The following MYO3B variants were observed in gnomAD, a reference collection of about 807,000 sequenced individuals.
The protein encoded by MYO3B is myosin IIIB.
A neutral mutation model predicts 174.6 loss-of-function variants in MYO3B; 156 were observed. The observed-to-expected ratio is 0.89, with a 90% CI of 0.78 to 1.02. The LOEUF (loss-of-function observed/expected upper bound fraction) is 1.02, where lower values mean the gene tolerates loss of function less well. Among genes scored for constraint, MYO3B ranks in the 50% least tolerant of loss-of-function variants. The probability of loss-of-function intolerance (pLI) is 0.00; values close to 1 mark genes in which losing one functional copy is unlikely to be tolerated. For missense variants in MYO3B, 1,632 were observed against 1,639.4 expected (o/e 1.00, Z 0.08); for synonymous variants, 563 against 569.1 (o/e 0.99, Z 0.15).
At chr2:170,367,199 A>G (rs897833326) in intron 8 of MYO3B, among the ~76,000 whole-genome samples, 2 of 152,192 alleles carry the variant, frequency 1.3e-5, no homozygotes, top group Admixed American at 1.3e-4. Context: ...TTCAATGAGC[A>G]TTTCCTGGTA....
At chr2:170,205,416 A>G (rs1365317020) in intron 3 of MYO3B, among the ~76,000 whole-genome samples, 2 of 152,200 alleles carry the variant, frequency 1.3e-5, no homozygotes, top group African/African-American at 4.8e-5. Flanking sequence ...TTCTCTCAGT[A>G]GAATTTTAAT....
chr2:170,207,540 C>T (rs546433840), intron 3 of MYO3B, among the ~76,000 whole-genome samples: 22 of 151,976 alleles, frequency 1.4e-4, no homozygotes, highest in Admixed American at 7.2e-4. Context: ...TTCCCCTGAG[C>T]GCAATCCTAA....
At chr2:170,370,484 G>T (rs2094232952) in intron 9 of MYO3B, among the ~76,000 whole-genome samples, 1 of 152,012 alleles carries the variant, frequency 6.6e-6, no homozygotes. Context: ...TCCCTACAGA[G>T]TAGAGAAATG....
chr2:170,595,072 T>C (rs1260137884), intron 32 of MYO3B, among the ~76,000 whole-genome samples: 1 of 152,106 alleles, frequency 6.6e-6, no homozygotes, highest in Non-Finnish European at 1.5e-5. Flanking sequence ...CACATCTGGC[T>C]CTGACATCGA....
At chr2:170,419,013 G>A (rs1219189235) in intron 22 of MYO3B, among the ~76,000 whole-genome samples, 1 of 152,196 alleles carries the variant, frequency 6.6e-6, no homozygotes, top group Non-Finnish European at 1.5e-5. Context: ...ACCATTGTCT[G>A]AGGACATAGA....
chr2:170,490,524 A>G (rs911590705), intron 25 of MYO3B, among the ~76,000 whole-genome samples: 3 of 148,218 alleles, frequency 2.0e-5, no homozygotes, highest in Non-Finnish European at 2.9e-5. Flanking sequence ...TCAAACATGG[A>G]TGTTATTTTT....
chr2:170,580,716 A>ATG (rs1220621272), intron 32 of MYO3B, among the ~76,000 whole-genome samples: 7 of 74,542 alleles, frequency 9.4e-5, no homozygotes, highest in South Asian at 4.6e-4. Context: ...AAAACCTTAT[A>ATG]TATGTGTGTG....
At chr2:170,436,610 C>A (rs2094756223) in intron 22 of MYO3B, among the ~76,000 whole-genome samples, 1 of 152,216 alleles carries the variant, frequency 6.6e-6, no homozygotes, top group African/African-American at 2.4e-5. Context: ...CTTGCATATG[C>A]ACAAATTGCA....
At chr2:170,597,944 A>G (rs900417762) in intron 32 of MYO3B, among the ~76,000 whole-genome samples, 55 of 152,296 alleles carry the variant, frequency 3.6e-4, no homozygotes, top group Admixed American at 1.6e-3. Context: ...TGTGCAACCT[A>G]TTTCTCAACA....
intron 8 of MYO3B, among the ~76,000 whole-genome samples, chr2:170,338,524 C>T (rs2093959163): frequency 6.6e-6 from 1 of 152,094 alleles, no homozygotes; most frequent in Admixed American, 6.6e-5. Flanking sequence ...GAATATTTCT[C>T]AAAATTGGGA....
intron 8 of MYO3B, among the ~76,000 whole-genome samples, chr2:170,358,761 G>T (rs889300921): frequency 1.3e-5 from 2 of 152,098 alleles, no homozygotes; most frequent in South Asian, 2.1e-4. Context: ...TGGGATTGTG[G>T]GTCTCCAAGA....
chr2:170,399,285 C>G (rs2094460541), intron 16 of MYO3B, among the ~76,000 whole-genome samples: 1 of 134,036 alleles, frequency 7.5e-6, no homozygotes, highest in African/African-American at 2.7e-5. Flanking sequence ...CCAGTCTGGC[C>G]AACAGGGCAA....
rs532359612 is a variant in MYO3B, at chr2:170,353,338, G to A, written c.816-15884G>A. On this transcript the variant is annotated intron_variant, in intron 8 of 34. Coordinates refer to ENST00000408978, the MANE Select transcript of MYO3B (RefSeq NM_138995.5). ...CTATATACTGTAGGATTCCAATTAC[G>A]TGACATTCTGGAAAAGGCAAAACCA... Among the ~76,000 whole-genome samples, 13 of 152,184 alleles carry A rather than the reference G, an allele frequency of 8.5e-5. No homozygotes were observed. The South Asian group carries it at 2.1e-3, about 24-fold the overall frequency.
chr2:170,549,768 AT>A (rs768637800), intron 32 of MYO3B, among the ~76,000 whole-genome samples: 2 of 152,204 alleles, frequency 1.3e-5, no homozygotes, highest in Non-Finnish European at 2.9e-5. Context: ...AATACAGGAA[AT>A]TGAGTTTGAT....
chr2:170,354,295 C>A (rs2094102585), intron 8 of MYO3B, among the ~76,000 whole-genome samples: 1 of 151,992 alleles, frequency 6.6e-6, no homozygotes, highest in African/African-American at 2.4e-5. Flanking sequence ...TTTTGTTTTT[C>A]TTTCCCCAGA....
At chr2:170,542,086 C>T (rs1478681465) in intron 30 of MYO3B, among the ~76,000 whole-genome samples, 1 of 132,988 alleles carries the variant, frequency 7.5e-6, no homozygotes, top group Non-Finnish European at 1.7e-5. Context: ...AGAAACTTAC[C>T]CAAAGTCACA....
intron 15 of MYO3B, 90 bp downstream of exon 15, chr2:170,391,708 CTG>C: frequency 1.3e-6 from 1 of 752,668 alleles, no homozygotes; most frequent in Non-Finnish European, 2.2e-6. Context: ...GTTTTCCTAA[CTG>C]GAAACTCACA....
chr2:170,363,203 A>G (rs1429545984), intron 8 of MYO3B, among the ~76,000 whole-genome samples: 1 of 152,140 alleles, frequency 6.6e-6, no homozygotes, highest in Non-Finnish European at 1.5e-5. Flanking sequence ...AAAAGACAGA[A>G]TATTTATAAA....
chr2:170,592,457 T>C (rs1693877348), intron 32 of MYO3B, among the ~76,000 whole-genome samples: 1 of 152,040 alleles, frequency 6.6e-6, no homozygotes, highest in African/African-American at 2.4e-5. Context: ...CCCAAACACC[T>C]CAATAAACCC....
Sources: allele counts gnomAD v4.1 joint callset (sites outside exome capture counted in the v4.1 genomes callset), GRCh38; gene constraint gnomAD v4.1.1; transcripts MANE v1.5; gene names NCBI Gene and HGNC (gene_info 2026-07-23, HGNC 2026-07-21).